The following MEIS2 variants were observed in gnomAD, a reference collection of about 807,000 sequenced individuals.
MEIS2 encodes the protein Meis homeobox 2.
A neutral mutation model predicts 58.6 loss-of-function variants in MEIS2; 9 were observed. The observed-to-expected ratio is 0.15, with a 90% CI of 0.09 to 0.27. MEIS2 has a LOEUF of 0.27. MEIS2 is among the 10% of genes least tolerant of loss of function. The pLI is 1.00. For synonymous variants in MEIS2, 221 were observed against 228.4 expected, an observed-to-expected ratio of 0.97 and a Z score of 0.29; for missense variants, 427 against 635.0, an observed-to-expected ratio of 0.67 and a Z score of 3.52.
chr15:36,933,414 A>G (rs2058052364), intron 9 of MEIS2, among the ~76,000 whole-genome samples: 1 of 152,174 alleles, frequency 6.6e-6, no homozygotes, highest in African/African-American at 2.4e-5. Context: ...GGACATCTCC[A>G]TCTACATCAT....
intron 8 of MEIS2, among the ~76,000 whole-genome samples, chr15:36,992,769 G>T (rs564576585): frequency 8.8e-4 from 133 of 151,978 alleles, no homozygotes; most frequent in African/African-American, 3.1e-3. Context: ...AATCTGGAAA[G>T]GATTTGGAGA....
Position 36,889,981 on chromosome 15 carries a change from CCTGA to C in MEIS2, c.*2188_*2191del, listed in dbSNP as rs1270934362. ...CTGAAATGTATTTGTAAAAATTCTA[CCTGA>C]CTAAATATAACACAAAACAATAGAA... On this transcript the variant is annotated 3_prime_UTR_variant, in exon 12 of 12. Transcript: ENST00000561208. 2.0e-5 allele frequency: 3 copies of C among 152,072 alleles called. No individual in the cohort carries two copies. Among genetic ancestry groups the C allele is most frequent in the African/African-American group, 7.2e-5 (3 of 41,420 alleles). 9.4% of individuals were successfully genotyped at this position (152,072 alleles called of 1,614,324 possible). A position where few individuals can be genotyped will look rare whatever the true frequency, so the allele number is the denominator to read the frequency against.
At chr15:36,971,096 G>A (rs1372246377) in intron 8 of MEIS2, among the ~76,000 whole-genome samples, 1 of 151,598 alleles carries the variant, frequency 6.6e-6, no homozygotes, top group Non-Finnish European at 1.5e-5. Context: ...TGCTGTGGTG[G>A]TGGGCTTGGG....
chr15:36,963,423 C>CT (rs2059257056), intron 8 of MEIS2, among the ~76,000 whole-genome samples: 1 of 150,916 alleles, frequency 6.6e-6, no homozygotes, highest in African/African-American at 2.4e-5. Context: ...GACCTGGATA[C>CT]TGAGGAAACT....
chr15:37,054,411 T>TGTTTG (rs1304266596), intron 7 of MEIS2, among the ~76,000 whole-genome samples: 4 of 148,982 alleles, frequency 2.7e-5, no homozygotes, highest in African/African-American at 1.0e-4. Context: ...TTTTTAATTG[T>TGTTTG]GTTTTGTTTT....
intron 8 of MEIS2, among the ~76,000 whole-genome samples, chr15:36,973,896 T>C (rs1237841931): frequency 6.6e-6 from 1 of 152,204 alleles, no homozygotes; most frequent in Non-Finnish European, 1.5e-5. Context: ...TTAAAGATGA[T>C]ATATGCCTTG....
At chr15:37,096,577 C>T in intron 2 of MEIS2, 147 bp from the exon 3 acceptor site, 1 of 965,680 alleles carries the variant, frequency 1.0e-6, no homozygotes, top group Non-Finnish European at 1.4e-6. Flanking sequence ...CTTCCTCCAT[C>T]AGGCGAGCCT....
At position 37,100,522 on chromosome 15, in the gene MEIS2, C is replaced by CGCCGA. The variant is rs1021649536; in HGVS notation, c.-1061_-1057dup. ...AGCGGGAGCGAGGAGGAGCGCGCCG[C>CGCCGA]GCCGAGCCTCTGATATGCAACGAGT... On this transcript the variant is annotated 5_prime_UTR_variant, in exon 1 of 12. Transcript: ENST00000561208. 9 of 148,690 alleles carry CGCCGA rather than the reference C, an allele frequency of 6.1e-5. No individual in the cohort carries two copies. Among genetic ancestry groups the CGCCGA allele is most frequent in the Middle Eastern group, 3.3e-3 (1 of 306 alleles). The allele number at this position is 148,690 out of a possible 1,614,324, so 9.2% of individuals were successfully genotyped here.
chr15:37,018,347 T>C (rs1326383423), intron 8 of MEIS2, among the ~76,000 whole-genome samples: 1 of 152,186 alleles, frequency 6.6e-6, no homozygotes, highest in African/African-American at 2.4e-5. Flanking sequence ...CATAGGACCT[T>C]GCGCATGTGC....
intron 8 of MEIS2, among the ~76,000 whole-genome samples, chr15:36,953,559 T>C (rs558756493): frequency 4.3e-4 from 65 of 152,246 alleles, no homozygotes; most frequent in African/African-American, 1.6e-3. Flanking sequence ...CATTGTAACC[T>C]GATAGCAATG....
intron 9 of MEIS2, among the ~76,000 whole-genome samples, chr15:36,948,421 T>G (rs1432047047): frequency 6.6e-6 from 1 of 151,984 alleles, no homozygotes; most frequent in Non-Finnish European, 1.5e-5. Flanking sequence ...TCTTCATTCT[T>G]CAGGTGCGAA....
chr15:36,909,651 C>T (rs1013351424), intron 9 of MEIS2, among the ~76,000 whole-genome samples: 5 of 152,050 alleles, frequency 3.3e-5, no homozygotes, highest in South Asian at 2.1e-4. Context: ...GTTAAAGGTG[C>T]GAATCTATCT....
At chr15:37,045,099 G>C (rs1424976684) in intron 7 of MEIS2, among the ~76,000 whole-genome samples, 3 of 152,158 alleles carry the variant, frequency 2.0e-5, no homozygotes, top group East Asian at 3.9e-4. Context: ...ATGCAGAGAT[G>C]ATGTGAGACA....
At chr15:37,035,315 G>A (rs1051751830) in intron 8 of MEIS2, among the ~76,000 whole-genome samples, 2 of 152,218 alleles carry the variant, frequency 1.3e-5, no homozygotes, top group Admixed American at 1.3e-4. Context: ...CAGCTGTGAA[G>A]TAATTTTGAT....
At chr15:36,937,179 A>T (rs769601126) in intron 9 of MEIS2, among the ~76,000 whole-genome samples, 4 of 152,344 alleles carry the variant, frequency 2.6e-5, no homozygotes, top group East Asian at 1.9e-4. Context: ...TAGCAAAGGT[A>T]TAGTGACTTG....
rs145446178 is a variant in MEIS2, at chr15:37,094,599, T to C, written c.439-22A>G. ...TCATCTGAAAGAAAAGTTCAGGGAA[T>C]GGAGTTAGAGCTCTGTGACTCTGAG... On this transcript the variant is annotated intron_variant, in intron 4 of 11. Coordinates refer to ENST00000561208, the MANE Select transcript of MEIS2 (RefSeq NM_170675.5). The C allele has an allele frequency of 2.0e-3, 3,209 of 1,608,006 alleles. 6 individuals carry two copies. The highest frequency in any genetic ancestry group is 2.5e-3 in the Non-Finnish European group (2,952 of 1,176,744).
chr15:36,976,148 G>C (rs560687819), intron 8 of MEIS2, among the ~76,000 whole-genome samples: 30 of 151,992 alleles, frequency 2.0e-4, no homozygotes, highest in African/African-American at 6.3e-4. Flanking sequence ...GCAGTGGCGC[G>C]ATCTCGGCTC....
At chr15:36,970,446 T>G (rs1046949603) in intron 8 of MEIS2, among the ~76,000 whole-genome samples, 5 of 150,896 alleles carry the variant, frequency 3.3e-5, no homozygotes, top group Admixed American at 1.3e-4. Flanking sequence ...GTGTGTCTCA[T>G]GCACACGCAC....
In MEIS2 at chr15:37,093,613, G is replaced by T. The variant is rs185278462; in HGVS notation, c.607C>A (p.Leu203Ile). 2.8e-5 allele frequency: 46 copies of T among 1,614,196 alleles called. No homozygotes were observed. In the East Asian group the frequency reaches 3.8e-4, roughly 13 times the overall value. ...DGSSKSDHEE[L>I]SGSSTNLADH... The stretch of plus-strand genomic sequence containing the variant: ...GCGAGATTTGTGGAGGAGCCTGAAA[G>T]TTCTTCATGATCTGACTTGGAGCTG... Residue 203 changes from leucine to isoleucine, a missense_variant, in exon 6 of 12, where the codon CTT becomes ATT. Transcript: ENST00000561208.
Sources: allele counts gnomAD v4.1 joint callset (sites outside exome capture counted in the v4.1 genomes callset), GRCh38; gene constraint gnomAD v4.1.1; transcripts MANE v1.5; gene names NCBI Gene and HGNC (gene_info 2026-07-23, HGNC 2026-07-21).